RC3H1: variants seen among roughly 807,000 people sequenced by gnomAD.
RC3H1 encodes ring finger and CCCH-type domains 1, also known as roquin-1.
Under a neutral mutation model 138.2 loss-of-function variants are expected in RC3H1, and 50 were observed. That is an observed-to-expected ratio of 0.36 (90% CI 0.29 to 0.46). The LOEUF is 0.46. Among genes scored for constraint, RC3H1 ranks in the 20% least tolerant of loss-of-function variants. The pLI, the probability that RC3H1 is intolerant of heterozygous loss-of-function variation, is 1.00. For missense variants in RC3H1, 1,031 were observed against 1,388.1 expected (o/e 0.74, Z 4.09); for synonymous variants, 462 against 489.1 (o/e 0.94, Z 0.73).
rs537771839 is a variant in RC3H1 at position 174,009,708 on chromosome 1, C to T, written c.-151+12388G>A. ...AAAAAATTAGCTGGGTATGGTGGCA[C>T]GCGTCTGTAGTCTCAGCTACTTGGA... On this transcript the variant is annotated intron_variant, in intron 1 of 19. Coordinates refer to ENST00000367696, the MANE Select transcript of RC3H1 (RefSeq NM_172071.4). Among the ~76,000 whole-genome samples the T allele has an allele frequency of 7.9e-5, 12 of 152,088 alleles. No individual in the cohort carries two copies. In the South Asian group the frequency reaches 2.1e-3, roughly 26 times the overall value.
At chr1:173,961,700 T>A (rs199871745) in intron 12 of RC3H1, 25 bp downstream of exon 12, 2 of 1,587,150 alleles carry the variant, frequency 1.3e-6, no homozygotes, top group Non-Finnish European at 8.6e-7. Flanking sequence ...ATTAAGTCTA[T>A]GTAATAAAAA....
chr1:173,974,277 CAAAAAAAAAAAAAAAA>C (rs571801899), intron 7 of RC3H1, among the ~76,000 whole-genome samples: 1,662 of 47,312 alleles, frequency 0.035, 56 homozygotes, highest in African/African-American at 0.13. Context: ...GAGACTGTCT[CAAAAAAAAAAAAAAAA>C]AAAAAAAAAA....
At chr1:173,978,683 T>G in intron 6 of RC3H1, 63 bp from the exon 7 acceptor site, 1 of 1,474,796 alleles carries the variant, frequency 6.8e-7, no homozygotes, top group Non-Finnish European at 9.2e-7. Flanking sequence ...TAAAGATTAT[T>G]TATATCACAA....
intron 13 of RC3H1, 49 bp from the exon 14 acceptor site, chr1:173,952,187 A>G: frequency 2.1e-6 from 3 of 1,417,836 alleles, no homozygotes; most frequent in East Asian, 2.4e-5. Flanking sequence ...AGAGAAAGAA[A>G]CAAAACAGGA....
intron 13 of RC3H1, among the ~76,000 whole-genome samples, chr1:173,960,724 G>A (rs1020613076): frequency 6.6e-6 from 1 of 152,184 alleles, no homozygotes; most frequent in African/African-American, 2.4e-5. Flanking sequence ...CGAAGAGAAT[G>A]TGGCATCGGT....
At chr1:173,977,919 A>G (rs1375096628) in intron 7 of RC3H1, among the ~76,000 whole-genome samples, 1 of 152,242 alleles carries the variant, frequency 6.6e-6, no homozygotes, top group Non-Finnish European at 1.5e-5. Context: ...CTGGGAATCT[A>G]CTAGTGAATA....
intron 14 of RC3H1, among the ~76,000 whole-genome samples, chr1:173,948,073 G>A (rs1000287344): frequency 3.3e-5 from 5 of 152,058 alleles, no homozygotes; most frequent in African/African-American, 4.8e-5. Flanking sequence ...TTTATGGGAG[G>A]CCACTGTTTT....
intron 1 of RC3H1, among the ~76,000 whole-genome samples, chr1:174,011,833 T>C (rs1344179054): frequency 2.0e-5 from 3 of 152,174 alleles, no homozygotes; most frequent in African/African-American, 7.2e-5. Context: ...CAATAAAGGA[T>C]TTAGGATGCC....
chr1:173,950,711 A>T (rs1659357745), intron 14 of RC3H1, among the ~76,000 whole-genome samples: 1 of 152,050 alleles, frequency 6.6e-6, no homozygotes, highest in South Asian at 2.1e-4. Context: ...CTTCTTGAAA[A>T]TTTTATTTCT....
At chr1:173,975,069 A>G (rs557314421) in intron 7 of RC3H1, among the ~76,000 whole-genome samples, 1 of 152,318 alleles carries the variant, frequency 6.6e-6, no homozygotes, top group South Asian at 2.1e-4. Context: ...AATGCTTATC[A>G]GATATAAGAT....
chr1:173,970,397 A>T, intron 9 of RC3H1, 108 bp downstream of exon 9: 4 of 766,644 alleles, frequency 5.2e-6, no homozygotes, highest in Non-Finnish European at 8.9e-6. Context: ...ACATTCTAAA[A>T]ATGTCCTATT....
rs1491144329 is a variant in RC3H1, at chr1:173,936,778, T to TTAAAA, written c.*1942_*1943insTTTTA. The TTAAAA allele has an allele frequency of 1.0e-5, 1 of 97,048 alleles. No homozygotes were observed. Among genetic ancestry groups the TTAAAA allele is most frequent in the Non-Finnish European group, 2.1e-5 (1 of 46,982 alleles). The allele number at this position is 97,048 out of a possible 1,614,324, so 6.0% of individuals were successfully genotyped here. Reference sequence around the variant, plus strand: ...ATATATATATTTTTTTTTTTTTTTTTAAAAAAAGAAGACAAATGTATAAGA... The same window carrying TTAAAA: ...ATATATATATTTTTTTTTTTTTTTTTTAAAAAAAAAAAGAAGACAAATGTATAAGA... On this transcript the variant is annotated 3_prime_UTR_variant, in exon 20 of 20. Coordinates refer to ENST00000367696, the MANE Select transcript of RC3H1 (RefSeq NM_172071.4).
intron 9 of RC3H1, among the ~76,000 whole-genome samples, chr1:173,966,892 A>T (rs557251193): frequency 6.6e-6 from 1 of 152,288 alleles, no homozygotes; most frequent in African/African-American, 2.4e-5. Context: ...TCCTTTATAC[A>T]TTAGCTTTAT....
chr1:174,019,246 T>C (rs1274687377), intron 1 of RC3H1, among the ~76,000 whole-genome samples: 1 of 152,208 alleles, frequency 6.6e-6, no homozygotes, highest in African/African-American at 2.4e-5. Context: ...ACAAATACTT[T>C]CTTGGTCTTA....
chr1:173,974,577 G>A (rs1001772505), intron 7 of RC3H1, among the ~76,000 whole-genome samples: 2 of 152,136 alleles, frequency 1.3e-5, no homozygotes, highest in Non-Finnish European at 2.9e-5. Context: ...AAGTTAGAGG[G>A]AAGAATAAGT....
Position 173,993,076 on chromosome 1 carries a change from A to T in RC3H1, c.-91T>A. The T allele has an allele frequency of 1.1e-6, 1 of 932,454 alleles. No homozygotes were observed. Among genetic ancestry groups the T allele is most frequent in the Non-Finnish European group, 1.6e-6 (1 of 609,940 alleles). 57.8% of individuals were successfully genotyped at this position (932,454 alleles called of 1,614,324 possible). A position where few individuals can be genotyped will look rare whatever the true frequency, so the allele number is the denominator to read the frequency against. ...AATCAAAATCTTTGAAAAAAAGTTTATCTTTTTTTTTTTTAAATATCTTCT... is the reference window on the plus strand; with the variant it reads ...AATCAAAATCTTTGAAAAAAAGTTTTTCTTTTTTTTTTTTAAATATCTTCT... On this transcript the variant is annotated 5_prime_UTR_variant, in exon 2 of 20. Transcript: ENST00000367696.
chr1:173,993,758 G>A (rs966453175), intron 1 of RC3H1, among the ~76,000 whole-genome samples: 2 of 151,200 alleles, frequency 1.3e-5, no homozygotes, highest in South Asian at 2.1e-4. Flanking sequence ...GGTGGCTCAC[G>A]CCTGTAATCC....
At chr1:173,992,331 G>C (rs968774954) in intron 2 of RC3H1, among the ~76,000 whole-genome samples, 2 of 151,952 alleles carry the variant, frequency 1.3e-5, no homozygotes, top group Admixed American at 1.3e-4. Context: ...ATTTGTAGTA[G>C]AGACAGGATT....
chr1:173,952,809 A>T (rs1659472238), intron 13 of RC3H1, among the ~76,000 whole-genome samples: 1 of 152,222 alleles, frequency 6.6e-6, no homozygotes, highest in African/African-American at 2.4e-5. Context: ...ATTCACATTT[A>T]TAAAATGTTT....
Sources: allele counts gnomAD v4.1 joint callset (sites outside exome capture counted in the v4.1 genomes callset), GRCh38; gene constraint gnomAD v4.1.1; transcripts MANE v1.5; gene names NCBI Gene and HGNC (gene_info 2026-07-23, HGNC 2026-07-21).